The following CDNF variants were observed in gnomAD, a reference collection of about 807,000 sequenced individuals.
The protein encoded by CDNF is cerebral dopamine neurotrophic factor.
CDNF carries 9 observed loss-of-function variants against 14.8 expected under a neutral mutation model. The observed-to-expected ratio is 0.61, with a 90% CI of 0.37 to 1.06. CDNF has a LOEUF of 1.06. CDNF is among the 50% of genes least tolerant of loss of function. CDNF has a pLI of 0.01. For missense variants in CDNF, 228 were observed against 228.4 expected (o/e 1.00, Z 0.01); for synonymous variants, 86 against 87.2 (o/e 0.99, Z 0.07).
intron 2 of CDNF, among the ~76,000 whole-genome samples, chr10:14,827,459 CTTTA>C (rs1833808686): frequency 6.6e-6 from 1 of 151,980 alleles, no homozygotes; most frequent in Non-Finnish European, 1.5e-5. Context: ...AATATAAATA[CTTTA>C]TTAATTATGT....
At chr10:14,825,370 T>C in intron 3 of CDNF, 109 bp downstream of exon 3, 2 of 1,065,860 alleles carry the variant, frequency 1.9e-6, no homozygotes, top group Non-Finnish European at 2.7e-6. Flanking sequence ...TATTGATGAG[T>C]GGTGAATTTC....
rs770147902 is a variant in CDNF, at chr10:14,820,044, T to C, written c.500A>G (p.Tyr167Cys). ...GGCCAGCTCTTGAATGAGATTCACA[T>C]AGTCAGTTTTTTCTGCACAGGCCCT... is the stretch of plus-strand genomic sequence containing the variant. ...ECRACAEKTD[Y>C]VNLIQELAPK... The change falls in exon 4 of 4, where the codon TAT becomes TGT. Residue 167 changes from tyrosine to cysteine, a missense_variant. Coordinates refer to ENST00000465530, the MANE Select transcript of CDNF (RefSeq NM_001029954.3). The C allele has an allele frequency of 1.2e-6, 2 of 1,614,078 alleles. No homozygotes were observed. Among genetic ancestry groups the C allele is most frequent in the South Asian group, 1.1e-5 (1 of 91,080 alleles).
intron 3 of CDNF, among the ~76,000 whole-genome samples, chr10:14,821,457 A>C (rs1473308545): frequency 2.0e-5 from 3 of 152,206 alleles, no homozygotes; most frequent in Admixed American, 6.5e-5. Context: ...GAACAGACTA[A>C]TACAAATAGC....
Position 14,837,917 on chromosome 10 carries a change from C to G in CDNF, c.30G>C (p.Val10=), listed in dbSNP as rs780223236. The change falls in exon 1 of 4, where the codon GTG becomes GTC. Residue 10 remains valine, a synonymous_variant. Transcript: ENST00000465530. The stretch of plus-strand genomic sequence containing the variant: ...AGACCAAAAGCCCGGCGCAAAAGGC[C>G]ACCACAGCAACTGGGCTCGCGCACC... MWCASPVAV[V]AFCAGLLVSH... 5.6e-6 allele frequency: 9 copies of G among 1,606,314 alleles called. No homozygotes were observed. Among genetic ancestry groups the G allele is most frequent in the Non-Finnish European group, 7.6e-6 (9 of 1,177,888 alleles).
rs145337566 is a variant in CDNF at position 14,819,719 on chromosome 10, C to T, written c.*261G>A. ...TTGTCAGTAGGTCACTTTTAGGAGA[C>T]AGGCAATGAAAACTGGCATAGTCAT... On this transcript the variant is annotated 3_prime_UTR_variant, in exon 4 of 4. Coordinates refer to ENST00000465530, the MANE Select transcript of CDNF (RefSeq NM_001029954.3). The T allele has an allele frequency of 6.0e-4, 193 of 322,858 alleles. No individual in the cohort carries two copies. The East Asian group carries it at 9.5e-3, about 16-fold the overall frequency. 20.0% of individuals were successfully genotyped at this position (322,858 alleles called of 1,614,324 possible).
chr10:14,831,505 T>C (rs1397720991), intron 1 of CDNF, among the ~76,000 whole-genome samples: 1 of 149,418 alleles, frequency 6.7e-6, no homozygotes, highest in East Asian at 1.9e-4. Context: ...ATACTGTATA[T>C]ACATATATAT....
chr10:14,821,489 A>T (rs1042051866), intron 3 of CDNF, among the ~76,000 whole-genome samples: 4 of 152,208 alleles, frequency 2.6e-5, no homozygotes, highest in African/African-American at 9.7e-5. Flanking sequence ...ATTAAGTATT[A>T]TAAGTAATCT....
chr10:14,832,852 CTTTTTTTTTTTT>C (rs918887413), intron 1 of CDNF, among the ~76,000 whole-genome samples: 7 of 80,496 alleles, frequency 8.7e-5, no homozygotes, highest in Admixed American at 1.6e-4. Context: ...TCTTTTTTTG[CTTTTTTTTTTTT>C]TTTTTTTTTT....
chr10:14,837,658 G>A (rs1190870258), intron 1 of CDNF, among the ~76,000 whole-genome samples, 174 bp downstream of exon 1: 1 of 152,242 alleles, frequency 6.6e-6, no homozygotes, highest in Non-Finnish European at 1.5e-5. Context: ...TTACCACCAG[G>A]CCCGGCTTGA....
chr10:14,820,042 C>T lies in CDNF; in HGVS notation c.502G>A (p.Val168Met). The part of the protein sequence containing the change: ...CRACAEKTDY[V>M]NLIQELAPKY... Reference sequence around the variant, plus strand: ...GGGGCCAGCTCTTGAATGAGATTCACATAGTCAGTTTTTTCTGCACAGGCC... The same window carrying T: ...GGGGCCAGCTCTTGAATGAGATTCATATAGTCAGTTTTTTCTGCACAGGCC... The change falls in exon 4 of 4, where the codon GTG becomes ATG. Residue 168 changes from valine (V) to methionine (M), a missense_variant. Coordinates refer to ENST00000465530, the MANE Select transcript of CDNF (RefSeq NM_001029954.3). 6.2e-7 allele frequency: 1 copy of T among 1,614,120 alleles called. No individual in the cohort carries two copies. The highest frequency in any genetic ancestry group is 1.1e-5 in the South Asian group (1 of 91,066).
rs1460200065 is a variant in CDNF at position 14,820,100 on chromosome 10, C to T, written c.444G>A (p.Lys148=). Residue 148 remains lysine (K), a synonymous_variant, in exon 4 of 4, where the codon AAG becomes AAA. Transcript: ENST00000465530. ...CCTCCCCCCAGCTATGCAGGATCTGCTTCAGCTCTGCCACTCTCATCTTCC... is the reference window on the plus strand; with the variant it reads ...CCTCCCCCCAGCTATGCAGGATCTGTTTCAGCTCTGCCACTCTCATCTTCC... ...DLRKMRVAEL[K]QILHSWGEEC... The T allele has an allele frequency of 6.2e-7, 1 of 1,614,206 alleles. No individual in the cohort carries two copies. The highest frequency in any genetic ancestry group is 1.1e-5 in the South Asian group (1 of 91,088).
chr10:14,834,454 G>C (rs1389302961), intron 1 of CDNF: 2 of 152,136 alleles, frequency 1.3e-5, no homozygotes, highest in African/African-American at 4.8e-5. Context: ...CACTCTTGTG[G>C]TATTTCCCAC....
rs374288522 is a variant in CDNF at position 14,820,041 on chromosome 10, A to G, written c.503T>C (p.Val168Ala). Residue 168 changes from valine to alanine, a missense_variant, in exon 4 of 4, where the codon GTG becomes GCG. Transcript: ENST00000465530. ...GGGGGCCAGCTCTTGAATGAGATTC[A>G]CATAGTCAGTTTTTTCTGCACAGGC... ...CRACAEKTDY[V>A]NLIQELAPKY... is the part of the protein sequence containing the mutation. 79 of 1,613,962 alleles carry G rather than the reference A, an allele frequency of 4.9e-5. No homozygotes were observed. Among genetic ancestry groups the G allele is most frequent in the Non-Finnish European group, 6.7e-5 (79 of 1,180,032 alleles).
intron 2 of CDNF, among the ~76,000 whole-genome samples, 181 bp from the exon 3 acceptor site, chr10:14,825,801 C>T (rs1284010614): frequency 6.6e-6 from 1 of 151,820 alleles, no homozygotes; most frequent in African/African-American, 2.4e-5. Context: ...GAGTTCTAGA[C>T]CAGCCTGGTC....
At chr10:14,823,284 G>GC (rs1833752884) in intron 3 of CDNF, among the ~76,000 whole-genome samples, 1 of 152,114 alleles carries the variant, frequency 6.6e-6, no homozygotes, top group African/African-American at 2.4e-5. Flanking sequence ...CCTCTGTGAT[G>GC]CCCCAAAACT....
chr10:14,823,161 T>G (rs1375130815), intron 3 of CDNF, among the ~76,000 whole-genome samples: 1 of 152,244 alleles, frequency 6.6e-6, no homozygotes, highest in African/African-American at 2.4e-5. Flanking sequence ...ACTATTAGTC[T>G]ATTCAAGATA....
chr10:14,819,689 T>C lies in CDNF; in HGVS notation c.*291A>G, dbSNP rs1833721181. The C allele has an allele frequency of 3.9e-6, 1 of 254,776 alleles. No homozygotes were observed. The highest frequency in any genetic ancestry group is 7.4e-6 in the Non-Finnish European group (1 of 135,572). 15.8% of individuals were successfully genotyped at this position (254,776 alleles called of 1,614,324 possible). On this transcript the variant is annotated 3_prime_UTR_variant, in exon 4 of 4. Coordinates refer to ENST00000465530, the MANE Select transcript of CDNF (RefSeq NM_001029954.3). Reference sequence around the variant, plus strand: ...TCTTTCTTGGAATCAATTTACTCCATCAATTTGTCAGTAGGTCACTTTTAG... The same window carrying C: ...TCTTTCTTGGAATCAATTTACTCCACCAATTTGTCAGTAGGTCACTTTTAG...
At chr10:14,832,257 A>G (rs1462880892) in intron 1 of CDNF, among the ~76,000 whole-genome samples, 1 of 152,256 alleles carries the variant, frequency 6.6e-6, no homozygotes, top group African/African-American at 2.4e-5. Context: ...AACAGCAAGT[A>G]CCAAGGCTCA....
chr10:14,832,845 T>C (rs1456183822), intron 1 of CDNF, among the ~76,000 whole-genome samples: 3 of 150,388 alleles, frequency 2.0e-5, no homozygotes, highest in South Asian at 2.1e-4. Context: ...TAATCTTTCT[T>C]TTTTTGCTTT....
Sources: gnomAD v4.1 joint callset for allele counts (sites outside exome capture counted in the v4.1 genomes callset) on GRCh38, gnomAD v4.1.1 for gene constraint, MANE v1.5 for transcripts, NCBI Gene and HGNC (gene_info 2026-07-23, HGNC 2026-07-21) for gene names.